Variants in MESD observed in about 807,000 individuals in gnomAD.
MESD encodes the protein LRP chaperone MESD.
In MESD, 7 loss-of-function variants were observed where a neutral mutation model predicts 12.9. That is an observed-to-expected ratio of 0.54 (90% CI 0.31 to 1.02). The LOEUF is 1.02. Among genes scored for constraint, MESD ranks in the 50% least tolerant of loss-of-function variants. The pLI is 0.05. For synonymous variants in MESD, 126 were observed against 115.6 expected (o/e 1.09, Z -0.58); for missense variants, 342 against 296.7 (o/e 1.15, Z -1.12).
intron 1 of MESD, among the ~76,000 whole-genome samples, chr15:80,984,416 GAAAAAGA>G (rs1051606240): frequency 1.8e-4 from 27 of 151,342 alleles, no homozygotes; most frequent in South Asian, 4.2e-4. Flanking sequence ...CTACCAAAAA[GAAAAAGA>G]AAAAAGAAAA....
intron 3 of MESD, among the ~76,000 whole-genome samples, chr15:80,960,455 CA>C (rs1902066017): frequency 6.7e-6 from 1 of 150,372 alleles, no homozygotes; most frequent in African/African-American, 2.4e-5. Flanking sequence ...ACCAATTACA[CA>C]AAGTGGAAAG....
intron 3 of MESD, among the ~76,000 whole-genome samples, chr15:80,970,158 A>C (rs1902254904): frequency 6.6e-6 from 1 of 152,212 alleles, no homozygotes; most frequent in Non-Finnish European, 1.5e-5. Context: ...AAGAATTCTC[A>C]CCGAAGGATC....
intron 1 of MESD, among the ~76,000 whole-genome samples, chr15:80,984,107 C>T (rs572009065): frequency 6.6e-6 from 1 of 151,984 alleles, no homozygotes; most frequent in East Asian, 1.9e-4. Flanking sequence ...TGCCATGTTG[C>T]CCAGGATGGT....
Position 80,989,781 on chromosome 15 carries a change from G to C in MESD, c.11C>G (p.Ser4Cys), listed in dbSNP as rs61999333. ...GACCACGGCCTTGCGCGCCCACCTG[G>C]AAGCCGCCATTTTCGCTGCGCCGCG... MAA[S>C]RWARKAVVLL... Residue 4 changes from serine (S) to cysteine (C), a missense_variant, in exon 1 of 3, where the codon TCC becomes TGC. Transcript: ENST00000261758. 1.3e-6 allele frequency: 2 copies of C among 1,583,806 alleles called. No homozygotes were observed. The highest frequency in any genetic ancestry group is 1.3e-5 in the African/African-American group (1 of 74,530).
At chr15:80,969,620 C>T (rs1219857871) in intron 3 of MESD, among the ~76,000 whole-genome samples, 2 of 152,014 alleles carry the variant, frequency 1.3e-5, no homozygotes, top group African/African-American at 2.4e-5. Context: ...TTTGGGAGGT[C>T]GAGGCAGGCG....
exon 5 of MESD, chr15:80,947,967 A>T (rs1901634208): frequency 6.6e-6 from 1 of 152,274 alleles, no homozygotes; most frequent in South Asian, 2.1e-4. Flanking sequence ...TCAGAAACCC[A>T]TCATATGGGG....
downstream of MESD, chr15:80,946,320 A>AT (rs1395516948): frequency 6.5e-6 from 1 of 154,812 alleles, no homozygotes; most frequent in African/African-American, 2.4e-5. Context: ...GCTTTAATGT[A>AT]TACATGATCA....
chr15:80,955,795 C>T (rs1339828855), intron 3 of MESD, among the ~76,000 whole-genome samples: 2 of 151,624 alleles, frequency 1.3e-5, no homozygotes, highest in African/African-American at 4.8e-5. Context: ...TAATTTTTTG[C>T]ATTTTTAGTA....
chr15:80,971,636 T>A (rs1197121628), downstream of MESD, among the ~76,000 whole-genome samples: 1 of 152,148 alleles, frequency 6.6e-6, no homozygotes, highest in Non-Finnish European at 1.5e-5. Context: ...TAAAACAATT[T>A]TTTTTTTCCA....
At chr15:80,989,463 G>C in intron 1 of MESD, 116 bp downstream of exon 1, 1 of 1,222,504 alleles carries the variant, frequency 8.2e-7, no homozygotes, top group South Asian at 1.4e-5. Flanking sequence ...AGGATTCAAG[G>C]CATGAGTAGA....
At chr15:80,974,004 A>G (rs997750829), downstream of MESD, among the ~76,000 whole-genome samples, 3 of 151,978 alleles carry the variant, frequency 2.0e-5, no homozygotes, top group African/African-American at 7.3e-5. Flanking sequence ...CTCTGCTATC[A>G]CGGGGGAACT....
intron 1 of MESD, among the ~76,000 whole-genome samples, chr15:80,986,017 GT>G (rs1567127391): frequency 6.6e-6 from 1 of 151,638 alleles, no homozygotes; most frequent in African/African-American, 2.4e-5. Context: ...TATAATACAG[GT>G]AAAAATTGTT....
intron 3 of MESD, among the ~76,000 whole-genome samples, chr15:80,953,725 AG>A (rs1901904536): frequency 6.6e-6 from 1 of 152,166 alleles, no homozygotes; most frequent in Non-Finnish European, 1.5e-5. Context: ...GCTGGAGGAA[AG>A]GGGGTGGGGT....
chr15:80,972,916 G>T (rs927930664), downstream of MESD, among the ~76,000 whole-genome samples: 4 of 152,288 alleles, frequency 2.6e-5, no homozygotes, highest in South Asian at 6.2e-4. Flanking sequence ...CAGCTACTTG[G>T]GAGGCTGAGG....
At chr15:80,962,870 C>T (rs1902112326) in intron 3 of MESD, among the ~76,000 whole-genome samples, 1 of 152,006 alleles carries the variant, frequency 6.6e-6, no homozygotes, top group Admixed American at 6.6e-5. Flanking sequence ...ACTAAATGCC[C>T]ATAAAAGAAA....
intron 3 of MESD, among the ~76,000 whole-genome samples, chr15:80,967,735 A>G (rs2141796520): frequency 6.6e-6 from 1 of 152,368 alleles, no homozygotes; most frequent in Admixed American, 6.5e-5. Context: ...GAGAGCTGCC[A>G]AGTCTGGGCT....
chr15:80,987,939 C>A (rs1327637473), intron 1 of MESD, among the ~76,000 whole-genome samples: 1 of 152,222 alleles, frequency 6.6e-6, no homozygotes, highest in Non-Finnish European at 1.5e-5. Context: ...GCCCAGCCAA[C>A]ATAAGGAGAC....
chr15:80,989,545 A>G (rs1316982014), intron 1 of MESD, 34 bp downstream of exon 1: 2 of 1,601,260 alleles, frequency 1.2e-6, no homozygotes, highest in South Asian at 1.1e-5. Flanking sequence ...TCCCGCACAG[A>G]GAAGAGCCGG....
chr15:80,973,917 C>T (rs1902346683), downstream of MESD, among the ~76,000 whole-genome samples: 1 of 152,170 alleles, frequency 6.6e-6, no homozygotes, highest in African/African-American at 2.4e-5. Context: ...CTTTCTTCTC[C>T]GGAGATCGGA....
Sources: gnomAD v4.1 joint callset for allele counts (sites outside exome capture counted in the v4.1 genomes callset) on GRCh38, gnomAD v4.1.1 for gene constraint, MANE v1.5 for transcripts, NCBI Gene and HGNC (gene_info 2026-07-23, HGNC 2026-07-21) for gene names.